Variants in SLC27A2 observed in about 807,000 individuals in gnomAD.
SLC27A2 encodes solute carrier family 27 member 2.
SLC27A2 carries 54 observed loss-of-function variants against 60.0 expected under a neutral mutation model. The observed-to-expected ratio is 0.90, with a 90% CI of 0.72 to 1.13. SLC27A2 has a LOEUF of 1.13. Among genes scored for constraint, SLC27A2 ranks in the 50% most tolerant of loss-of-function variants. The pLI is 0.00. For synonymous variants in SLC27A2, 297 were observed against 297.6 expected, an observed-to-expected ratio of 1.00 and a Z score of 0.02; for missense variants, 739 against 777.6, an observed-to-expected ratio of 0.95 and a Z score of 0.59.
intron 4 of SLC27A2, among the ~76,000 whole-genome samples, chr15:50,206,052 G>A (rs1002039492): frequency 5.3e-5 from 8 of 152,078 alleles, no homozygotes; most frequent in Non-Finnish European, 1.0e-4. Flanking sequence ...AGCTCCTCCT[G>A]CCCAGTCCCT....
At chr15:50,234,119 A>G in intron 9 of SLC27A2, 121 bp downstream of exon 9, 1 of 963,836 alleles carries the variant, frequency 1.0e-6, no homozygotes, top group Non-Finnish European at 1.5e-6. Flanking sequence ...ACTTTCCAGG[A>G]AGCTCAGAAA....
chr15:50,200,001 G>T (rs1041250634), intron 2 of SLC27A2, among the ~76,000 whole-genome samples: 15 of 152,188 alleles, frequency 9.9e-5, no homozygotes, highest in African/African-American at 3.6e-4. Context: ...AAATGTTCCT[G>T]CTCCTCAAAG....
At chr15:50,201,597 C>A (rs2045063883) in intron 2 of SLC27A2, among the ~76,000 whole-genome samples, 1 of 151,716 alleles carries the variant, frequency 6.6e-6, no homozygotes, top group Non-Finnish European at 1.5e-5. Context: ...GCTCTGTCAC[C>A]CAGGCTGGAG....
chr15:50,202,102 C>G (rs1255176458), intron 2 of SLC27A2, among the ~76,000 whole-genome samples: 1 of 152,188 alleles, frequency 6.6e-6, no homozygotes, highest in Non-Finnish European at 1.5e-5. Flanking sequence ...TTCTGTTTCT[C>G]TTCAGATTAC....
At chr15:50,207,370 C>T (rs756661785) in intron 4 of SLC27A2, among the ~76,000 whole-genome samples, 7 of 151,934 alleles carry the variant, frequency 4.6e-5, no homozygotes, top group Non-Finnish European at 7.4e-5. Context: ...CTTGAATGAC[C>T]CCTGGACTTC....
chr15:50,183,031 T>G, intron 1 of SLC27A2, 126 bp downstream of exon 1: 1 of 960,528 alleles, frequency 1.0e-6, no homozygotes, highest in Non-Finnish European at 1.6e-6. Flanking sequence ...TAGAAAAAGG[T>G]TGGCAGTGTT....
chr15:50,216,655 T>G (rs985741421), intron 4 of SLC27A2, among the ~76,000 whole-genome samples: 1 of 116,716 alleles, frequency 8.6e-6, no homozygotes, highest in African/African-American at 3.2e-5. Context: ...TATATATATA[T>G]AGTATAGTTT....
chr15:50,235,895 A>G lies in SLC27A2; in HGVS notation c.1687-25A>G, dbSNP rs774605912. On this transcript the variant is annotated intron_variant, in intron 9 of 9. Transcript: ENST00000267842. The stretch of plus-strand genomic sequence containing the variant: ...TAATCTATTGCAAAATGCAACCAAA[A>G]TGTGGATTATTTGATGTTTTTCAGG... 5.7e-6 allele frequency: 9 copies of G among 1,582,820 alleles called. No individual in the cohort carries two copies. The South Asian group carries it at 1.0e-4, about 18-fold the overall frequency.
intron 1 of SLC27A2, among the ~76,000 whole-genome samples, chr15:50,188,191 C>G (rs1384783968): frequency 6.6e-6 from 1 of 152,034 alleles, no homozygotes; most frequent in Admixed American, 6.6e-5. Flanking sequence ...CAAGAGAAGG[C>G]TTTTTGGGGC....
At position 50,231,990 on chromosome 15, in the gene SLC27A2, C is replaced by T. The variant is rs141360542; in HGVS notation, c.1556-1878C>T. 3.9e-3 allele frequency among the ~76,000 whole-genome samples: 599 copies of T among 152,340 alleles called. 3 individuals carry two copies. The highest frequency in any genetic ancestry group is 6.3e-3 in the Non-Finnish European group (432 of 68,034). On this transcript the variant is annotated intron_variant, in intron 8 of 9. Coordinates refer to ENST00000267842, the MANE Select transcript of SLC27A2 (RefSeq NM_003645.4). ...ACCTGGGATCCTGGGAGAACTCTTG[C>T]AGCAGTGAAAGATTAGAGATAAATT...
At chr15:50,235,875 T>G in intron 9 of SLC27A2, 45 bp from the exon 10 acceptor site, 1 of 1,534,134 alleles carries the variant, frequency 6.5e-7, no homozygotes, top group Admixed American at 1.8e-5. Context: ...CATCCTAATC[T>G]ATTGCAAAAT....
chr15:50,196,075 AAAATATATATATATATAT>A lies in SLC27A2; in HGVS notation c.479-1423_479-1406del, dbSNP rs1378736440. Among the ~76,000 whole-genome samples, 6 of 18,132 alleles carry A rather than the reference AAAATATATATATATATAT, an allele frequency of 3.3e-4. 2 individuals carry two copies. The East Asian group carries it at 7.4e-3, about 22-fold the overall frequency. 11.9% of individuals were successfully genotyped at this position (18,132 alleles called of 152,430 possible). A position where few individuals can be genotyped will look rare whatever the true frequency, so the allele number is the denominator to read the frequency against. ...TCTCAAAAAAAAAAAAAAAAAAAAAAAAATATATATATATATATATATATATATATATATATATATATA... is the reference window on the plus strand; with the variant it reads ...TCTCAAAAAAAAAAAAAAAAAAAAAAATATATATATATATATATATATATA... On this transcript the variant is annotated intron_variant, in intron 1 of 9. Transcript: ENST00000267842.
At position 50,233,959 on chromosome 15, in the gene SLC27A2, C is replaced by G; in HGVS notation, c.1647C>G (p.Tyr549Ter). 6.2e-7 allele frequency: 1 copy of G among 1,613,126 alleles called. No individual in the cohort carries two copies. The highest frequency in any genetic ancestry group is 8.5e-7 in the Non-Finnish European group (1 of 1,179,292). The change falls in exon 9 of 10, where the codon TAC becomes TAG. Residue 549 changes from tyrosine (Y) to a stop codon, truncating the protein, a stop_gained. Coordinates refer to ENST00000267842, the MANE Select transcript of SLC27A2 (RefSeq NM_003645.4). LOFTEE classifies it high-confidence loss of function. ...AACTCTTTCAGCACATTGCTGATTA[C>G]CTACCTAGTTATGCAAGGCCCCGGT... ...GKKLFQHIADYLPSYARPRFL... is the reference protein window; with the variant it reads ...GKKLFQHIAD
chr15:50,187,584 C>G (rs2044935266), intron 1 of SLC27A2, among the ~76,000 whole-genome samples: 1 of 152,164 alleles, frequency 6.6e-6, no homozygotes, highest in Non-Finnish European at 1.5e-5. Flanking sequence ...CACTGCCTAA[C>G]TCAACACAGC....
intron 7 of SLC27A2, among the ~76,000 whole-genome samples, chr15:50,228,376 C>CAAAA (rs71124333): frequency 4.5e-4 from 35 of 77,158 alleles, no homozygotes; most frequent in South Asian, 6.4e-4. Context: ...GACTCTGCCT[C>CAAAA]AAAAAAAAAA....
At position 50,208,077 on chromosome 15, in the gene SLC27A2, A is replaced by C. The variant is rs546251564; in HGVS notation, c.972+2714A>C. ...CGCTGTTGCTGGAGGGACTAACCCC[A>C]CCAGCGACCCCCAAGCACTGGATGC... On this transcript the variant is annotated intron_variant, in intron 4 of 9. Transcript: ENST00000267842. 3.3e-5 allele frequency among the ~76,000 whole-genome samples: 5 copies of C among 152,270 alleles called. No individual in the cohort carries two copies. The East Asian group carries it at 7.7e-4, about 24-fold the overall frequency.
chr15:50,205,540 G>C (rs978170566), intron 4 of SLC27A2, among the ~76,000 whole-genome samples, 177 bp downstream of exon 4: 1 of 152,060 alleles, frequency 6.6e-6, no homozygotes, highest in Non-Finnish European at 1.5e-5. Flanking sequence ...TAGTAGGTGG[G>C]AGTTAATATT....
intron 1 of SLC27A2, among the ~76,000 whole-genome samples, chr15:50,196,215 A>G (rs990786640): frequency 6.7e-6 from 1 of 149,004 alleles, no homozygotes. Flanking sequence ...AAATCCAAGT[A>G]GCAAGCATGA....
Position 50,191,302 on chromosome 15 carries a change from C to T in SLC27A2, c.479-6198C>T, listed in dbSNP as rs74014931. Among the ~76,000 whole-genome samples, 548 of 152,302 alleles carry T rather than the reference C, an allele frequency of 3.6e-3. 2 individuals are homozygous for T. The highest frequency in any genetic ancestry group is 0.013 in the African/African-American group (538 of 41,564). On this transcript the variant is annotated intron_variant, in intron 1 of 9. Coordinates refer to ENST00000267842, the MANE Select transcript of SLC27A2 (RefSeq NM_003645.4). ...ACCCAGATCCCTGCTTTAGGACTGA[C>T]GGACTCACTCTTCAGCTGCTGGGAG...
Sources: allele counts gnomAD v4.1 joint callset (sites outside exome capture counted in the v4.1 genomes callset), GRCh38; gene constraint gnomAD v4.1.1; transcripts MANE v1.5; gene names NCBI Gene and HGNC (gene_info 2026-07-23, HGNC 2026-07-21).